Variants in NKAP observed in about 807,000 individuals in gnomAD.
The protein encoded by NKAP is NF-kappa-B-activating protein.
Under a neutral mutation model 35.6 loss-of-function variants are expected in NKAP, and 4 were observed. That is an observed-to-expected ratio of 0.11 (90% confidence interval 0.06 to 0.26). The LOEUF (loss-of-function observed/expected upper bound fraction) is 0.26, where lower values mean the gene tolerates loss of function less well. NKAP is among the 10% of genes least tolerant of loss of function. NKAP has a pLI of 1.00. For synonymous variants in NKAP, 106 were observed against 119.2 expected, an observed-to-expected ratio of 0.89 and a Z score of 0.72; for missense variants, 238 against 321.9, an observed-to-expected ratio of 0.74 and a Z score of 1.99.
At chrX:119,935,808 T>C (rs980648712) in intron 4 of NKAP, among the ~76,000 whole-genome samples, 2 of 111,648 alleles carry the variant, frequency 1.8e-5, no homozygotes, top group East Asian at 2.8e-4. Flanking sequence ...CTTCCACAAA[T>C]AGGCAGCCAG....
chrX:119,943,445 T>A lies in NKAP; in HGVS notation c.161A>T (p.Asn54Ile). The A allele has an allele frequency of 8.3e-7, 1 of 1,210,942 alleles. No homozygotes were observed. The highest frequency in any genetic ancestry group is 1.8e-5 in the South Asian group (1 of 56,859). The change falls in exon 1 of 9, where the codon AAT (asparagine) becomes ATT (isoleucine). Residue 54 changes from asparagine to isoleucine, a missense_variant. Transcript: ENST00000371410. ...GCCACCCAGCTGATGGGTGAGTCCATTCCGGTCCCCGGACCGAGAGCAAGA... is the reference window on the plus strand; with the variant it reads ...GCCACCCAGCTGATGGGTGAGTCCAATCCGGTCCCCGGACCGAGAGCAAGA... ...SHSCSRSGDR[N>I]GLTHQLGGLS... is the part of the protein sequence containing the mutation.
intron 8 of NKAP, among the ~76,000 whole-genome samples, chrX:119,926,230 A>T (rs1293025773): frequency 9.6e-6 from 1 of 104,408 alleles, no homozygotes; most frequent in African/African-American, 3.6e-5. Flanking sequence ...TGCTGGGATT[A>T]CAGGCGTGAG....
rs759817097 is a variant in NKAP at position 119,938,788 on chromosome X, TTC to T, written c.407_408del (p.Arg136AsnfsTer8). ...LRQKRLSERE[R>X]IGELGAPEVW... ...ACTTCAGGAGCTCCCAATTCTCCAATTCTCTCTCTCTCACTTAATCTCCTAGC... is the reference window on the plus strand; with the variant it reads ...ACTTCAGGAGCTCCCAATTCTCCAATTCTCTCTCTCACTTAATCTCCTAGC... On this transcript the variant is annotated frameshift_variant, in exon 2 of 9. Coordinates refer to ENST00000371410, the MANE Select transcript of NKAP (RefSeq NM_024528.4). LOFTEE classifies it high-confidence loss of function. 19 of 1,198,159 alleles carry T rather than the reference TTC, an allele frequency of 1.6e-5. No individual in the cohort carries two copies. Among genetic ancestry groups the T allele is most frequent in the South Asian group, 5.5e-5 (3 of 54,746 alleles).
chrX:119,942,149 C>G (rs2056796461), intron 1 of NKAP, among the ~76,000 whole-genome samples: 1 of 111,258 alleles, frequency 9.0e-6, no homozygotes, highest in Non-Finnish European at 1.9e-5. Context: ...TTTCTTCCGG[C>G]AGTGGGAGGT....
At chrX:119,936,813 G>C (rs1438381118) in intron 2 of NKAP, 131 bp from the exon 3 acceptor site, 1 of 493,955 alleles carries the variant, frequency 2.0e-6, no homozygotes, top group Admixed American at 3.8e-5. Context: ...GCAAGCATTG[G>C]AGATCCTAAG....
chrX:119,929,415 A>G (rs1388449744), intron 8 of NKAP, among the ~76,000 whole-genome samples: 6 of 112,504 alleles, frequency 5.3e-5, no homozygotes, highest in Non-Finnish European at 1.1e-4. Flanking sequence ...TGATCTAAGT[A>G]CTGCTGCCCT....
intron 1 of NKAP, among the ~76,000 whole-genome samples, chrX:119,940,322 T>A (rs1245320229): frequency 3.3e-5 from 3 of 91,226 alleles, no homozygotes; most frequent in Non-Finnish European, 6.2e-5. Context: ...GCCTGGGTGA[T>A]AGAGTGAGAC....
At chrX:119,935,060 A>G (rs747196225) in intron 4 of NKAP, among the ~76,000 whole-genome samples, 122 of 111,493 alleles carry the variant, frequency 1.1e-3, no homozygotes, top group Non-Finnish European at 1.9e-3. Flanking sequence ...GAGAGGGGAG[A>G]GAGAATCCTT....
intron 8 of NKAP, among the ~76,000 whole-genome samples, chrX:119,928,895 C>CTTA (rs759537480): frequency 2.8e-5 from 3 of 107,844 alleles, no homozygotes; most frequent in Non-Finnish European, 5.8e-5. Flanking sequence ...CTTTCCAATC[C>CTTA]TTATTATTAT....
intron 8 of NKAP, among the ~76,000 whole-genome samples, chrX:119,927,638 C>G (rs940175772): frequency 1.8e-5 from 2 of 112,800 alleles, no homozygotes; most frequent in African/African-American, 6.4e-5. Context: ...AGCCACCACG[C>G]CCGGCCTGAA....
intron 7 of NKAP, among the ~76,000 whole-genome samples, chrX:119,931,347 C>CA (rs199671941): frequency 5.6e-5 from 6 of 107,563 alleles, no homozygotes; most frequent in Non-Finnish European, 9.7e-5. Flanking sequence ...ACTGAAAATA[C>CA]AAAAAAAAAT....
At chrX:119,936,574 T>C (rs1463324080) in intron 3 of NKAP, 38 bp downstream of exon 3, 1 of 1,062,739 alleles carries the variant, frequency 9.4e-7, no homozygotes, top group Admixed American at 3.1e-5. Flanking sequence ...CTCAATAAAA[T>C]AGCTTGTATT....
Position 119,939,115 on chromosome X carries a change from T to G in NKAP, c.387-305A>C, listed in dbSNP as rs763133080. ...TATGTGACAGAAACAGCTTCACATT[T>G]GTAAGTAACTTCATTTGTTTACAGA... is the stretch of plus-strand genomic sequence containing the variant. On this transcript the variant is annotated intron_variant, in intron 1 of 8. Transcript: ENST00000371410. Among the ~76,000 whole-genome samples the G allele has an allele frequency of 5.3e-5, 6 of 112,243 alleles. No homozygotes were observed. The Admixed American group carries it at 5.7e-4, about 11-fold the overall frequency.
intron 8 of NKAP, among the ~76,000 whole-genome samples, chrX:119,926,392 GAGTAGCCGGGAGT>G (rs2147843644): frequency 9.1e-6 from 1 of 109,948 alleles, no homozygotes; most frequent in Non-Finnish European, 1.9e-5. Flanking sequence ...TCAGCCTCCC[GAGTAGCCGGGAGT>G]ACAGGTGTGT....
chrX:119,936,414 A>T lies in NKAP; in HGVS notation c.556T>A (p.Ser186Thr), dbSNP rs2056766608. 8.7e-7 allele frequency: 1 copy of T among 1,153,955 alleles called. No homozygotes were observed. The highest frequency in any genetic ancestry group is 1.9e-5 in the African/African-American group (1 of 53,958). Reference protein sequence around the residue: ...STSEEEKKKKSSRSKERSKKR... With the variant: ...STSEEEKKKKTSRSKERSKKR... ...TTGGACCTTTCTTTTGAACGGCTAGACTTCTTCTTTTTTTCTTCTAAGAAA... is the reference window on the plus strand; with the variant it reads ...TTGGACCTTTCTTTTGAACGGCTAGTCTTCTTCTTTTTTTCTTCTAAGAAA... The change falls in exon 4 of 9, where the codon TCT (serine) becomes ACT (threonine). Residue 186 changes from serine to threonine, a missense_variant. By Grantham distance (58) the Ser-to-Thr change is moderately conservative (BLOSUM62 1). This residue lies in a region of NKAP where 89 missense variants were observed against 91.7 expected (regional missense o/e 0.97). Transcript: ENST00000371410.
Position 119,920,865 on chromosome X carries a change from A to G in NKAP, c.*4355T>C, listed in dbSNP as rs1569470709. 1 of 159,115 alleles carries G rather than the reference A, an allele frequency of 6.3e-6. No homozygotes were observed. The highest frequency in any genetic ancestry group is 1.2e-5 in the Non-Finnish European group (1 of 83,437). The allele number at this position is 159,115 out of a possible 1,213,427, so 13.1% of individuals were successfully genotyped here. On this transcript the variant is annotated 3_prime_UTR_variant, in exon 9 of 9. Coordinates refer to ENST00000371410, the MANE Select transcript of NKAP (RefSeq NM_024528.4). ...TCTGAGTCTTACAGGTATAGAGCTGAGTTTAGAGAGTTGCTAAAATTCACC... is the reference window on the plus strand; with the variant it reads ...TCTGAGTCTTACAGGTATAGAGCTGGGTTTAGAGAGTTGCTAAAATTCACC...
chrX:119,937,150 C>T (rs764464482), intron 2 of NKAP: 1 of 112,344 alleles, frequency 8.9e-6, no homozygotes, highest in Non-Finnish European at 1.9e-5. Flanking sequence ...TCTGTCTCCT[C>T]AGAGCAAAAA....
intron 4 of NKAP, among the ~76,000 whole-genome samples, chrX:119,935,632 G>A (rs746278976): frequency 9.0e-6 from 1 of 111,704 alleles, no homozygotes; most frequent in South Asian, 3.7e-4. Flanking sequence ...TTCGAGCACT[G>A]AGGAAGAGAA....
intron 1 of NKAP, among the ~76,000 whole-genome samples, chrX:119,940,354 C>CA (rs386419406): frequency 0.16 from 10,929 of 68,746 alleles, 916 homozygotes; most frequent in African/African-American, 0.34. Flanking sequence ...AATAAAAAAC[C>CA]AAAAAAAAAA....
Sources: gnomAD v4.1 joint callset for allele counts (sites outside exome capture counted in the v4.1 genomes callset) on GRCh38, gnomAD v4.1.1 for gene constraint, gnomAD v4.1.1 regional missense constraint, MANE v1.5 for transcripts, NCBI Gene and HGNC (gene_info 2026-07-23, HGNC 2026-07-21) for gene names.